Variants in PPFIA2 observed in about 807,000 individuals in gnomAD.
The protein encoded by PPFIA2 is PPFI scaffold protein A2.
PPFIA2 carries 46 observed loss-of-function variants against 175.5 expected under a neutral mutation model. The ratio of observed to expected loss-of-function variants is 0.26; its 90% CI spans 0.21 to 0.34. The LOEUF (loss-of-function observed/expected upper bound fraction) is 0.34, where lower values mean the gene tolerates loss of function less well. Ranked by LOEUF, PPFIA2 falls within the 10% of genes least tolerant of loss-of-function variation. The pLI, the probability that PPFIA2 is intolerant of heterozygous loss-of-function variation, is 1.00. For synonymous variants in PPFIA2, 568 were observed against 511.4 expected, an observed-to-expected ratio of 1.11 and a Z score of -1.49; for missense variants, 1,179 against 1,506.1, an observed-to-expected ratio of 0.78 and a Z score of 3.60.
chr12:81,322,028 G>T lies in PPFIA2; in HGVS notation c.2642+3749C>A, dbSNP rs563302091. Among the ~76,000 whole-genome samples, 3 of 152,184 alleles carry T rather than the reference G, an allele frequency of 2.0e-5. No homozygotes were observed. The South Asian group carries it at 6.2e-4, about 32-fold the overall frequency. On this transcript the variant is annotated intron_variant, in intron 22 of 32. Coordinates refer to ENST00000549396, the MANE Select transcript of PPFIA2 (RefSeq NM_003625.5). Reference sequence around the variant, plus strand: ...TATTTTTATTTTTTGTAAAAACAGGGTCTCACTCTGCTGCCCAGGCTGGGT... The same window carrying T: ...TATTTTTATTTTTTGTAAAAACAGGTTCTCACTCTGCTGCCCAGGCTGGGT...
chr12:81,576,007 T>C (rs2073467996), intron 4 of PPFIA2, among the ~76,000 whole-genome samples: 1 of 151,654 alleles, frequency 6.6e-6, no homozygotes, highest in Non-Finnish European at 1.5e-5. Context: ...AGGAAAGCTT[T>C]ATGCAACCTG....
intron 16 of PPFIA2, among the ~76,000 whole-genome samples, chr12:81,357,667 A>C (rs1196328879): frequency 2.6e-5 from 4 of 152,212 alleles, no homozygotes; most frequent in Non-Finnish European, 4.4e-5. Flanking sequence ...CAAGTGCCCA[A>C]GAAAATCAAA....
At chr12:81,446,460 TG>T (rs2051284458) in intron 5 of PPFIA2, among the ~76,000 whole-genome samples, 1 of 152,146 alleles carries the variant, frequency 6.6e-6, no homozygotes, top group Non-Finnish European at 1.5e-5. Flanking sequence ...TTTTGTGAAT[TG>T]GGGTTTCATA....
intron 22 of PPFIA2, among the ~76,000 whole-genome samples, chr12:81,323,668 T>C (rs1043272337): frequency 1.1e-4 from 16 of 152,052 alleles, no homozygotes; most frequent in East Asian, 3.9e-4. Flanking sequence ...TAATTAACAA[T>C]GTAAAATTCA....
chr12:81,563,354 A>G (rs1367590447), intron 4 of PPFIA2, among the ~76,000 whole-genome samples: 2 of 152,118 alleles, frequency 1.3e-5, no homozygotes, highest in African/African-American at 4.8e-5. Flanking sequence ...CCTCTGTTCT[A>G]CTGTCTTAGA....
chr12:81,699,946 T>G (rs1332419556), intron 3 of PPFIA2, among the ~76,000 whole-genome samples: 2 of 152,058 alleles, frequency 1.3e-5, no homozygotes, highest in Non-Finnish European at 2.9e-5. Flanking sequence ...AATAAAATTC[T>G]TACTGGATGT....
At chr12:81,448,002 T>G (rs903546674) in intron 5 of PPFIA2, among the ~76,000 whole-genome samples, 2 of 152,112 alleles carry the variant, frequency 1.3e-5, no homozygotes, top group Non-Finnish European at 2.9e-5. Flanking sequence ...CAATGAAAAC[T>G]GTTTTTTTTT....
intron 4 of PPFIA2, among the ~76,000 whole-genome samples, chr12:81,669,499 A>C (rs1325005735): frequency 6.6e-6 from 1 of 152,034 alleles, no homozygotes; most frequent in Non-Finnish European, 1.5e-5. Context: ...TAACTATGTA[A>C]AGTTTATATT....
chr12:81,710,014 T>C (rs1316774945), intron 3 of PPFIA2, among the ~76,000 whole-genome samples: 2 of 152,060 alleles, frequency 1.3e-5, no homozygotes, highest in South Asian at 2.1e-4. Context: ...TAGGGGATAA[T>C]ATATAATTTC....
intron 4 of PPFIA2, among the ~76,000 whole-genome samples, chr12:81,543,975 C>T (rs1156585254): frequency 6.6e-6 from 1 of 151,988 alleles, no homozygotes; most frequent in Non-Finnish European, 1.5e-5. Flanking sequence ...TGAGAAACAG[C>T]CAAGATAAAT....
At chr12:81,478,267 A>AT (rs1459005994) in intron 4 of PPFIA2, among the ~76,000 whole-genome samples, 3 of 151,340 alleles carry the variant, frequency 2.0e-5, no homozygotes, top group Non-Finnish European at 3.0e-5. Flanking sequence ...CTCCTTTATC[A>AT]TTTTTTTTAT....
chr12:81,518,027 C>T (rs967478986), intron 4 of PPFIA2, among the ~76,000 whole-genome samples: 5 of 152,038 alleles, frequency 3.3e-5, no homozygotes, highest in African/African-American at 9.7e-5. Flanking sequence ...CAACATGGCA[C>T]ATGTATACAT....
intron 3 of PPFIA2, among the ~76,000 whole-genome samples, chr12:81,695,158 G>A (rs1318277613): frequency 6.6e-6 from 1 of 152,104 alleles, no homozygotes; most frequent in Admixed American, 6.6e-5. Context: ...TTAAAAATTT[G>A]AGGGACTTTT....
intron 7 of PPFIA2, among the ~76,000 whole-genome samples, chr12:81,415,632 T>C (rs1416324640): frequency 6.6e-6 from 1 of 150,700 alleles, no homozygotes; most frequent in Admixed American, 6.7e-5. Flanking sequence ...AAAGAAATCT[T>C]CCTAAAACAG....
At chr12:81,490,655 C>A (rs766684450) in intron 4 of PPFIA2, among the ~76,000 whole-genome samples, 2 of 151,934 alleles carry the variant, frequency 1.3e-5, no homozygotes, top group Non-Finnish European at 2.9e-5. Flanking sequence ...ACAAAAATCT[C>A]TTCATACCTC....
At chr12:81,573,417 A>G (rs56698875) in intron 4 of PPFIA2, among the ~76,000 whole-genome samples, 1,706 of 152,044 alleles carry the variant, frequency 0.011, 53 homozygotes, top group East Asian at 0.096. Context: ...GCCATTCTGG[A>G]ATGCTAACCA....
intron 20 of PPFIA2, among the ~76,000 whole-genome samples, chr12:81,340,017 T>A (rs2057783158): frequency 6.6e-6 from 1 of 152,112 alleles, no homozygotes; most frequent in Non-Finnish European, 1.5e-5. Flanking sequence ...ATTAATAGGA[T>A]GGGATCAATA....
chr12:81,650,589 G>T (rs1471693037), intron 4 of PPFIA2, among the ~76,000 whole-genome samples: 2 of 152,186 alleles, frequency 1.3e-5, no homozygotes, highest in Non-Finnish European at 2.9e-5. Context: ...GTATAATTTA[G>T]GGAGGTAAAA....
rs557872750 is a variant in PPFIA2 at position 81,317,590 on chromosome 12, G to A, written c.2642+8187C>T. On this transcript the variant is annotated intron_variant, in intron 22 of 32. Transcript: ENST00000549396. ...AGAGGAAGAATTAGGACAAGGAAGA[G>A]CAGAAGCAAAGAAGAAACCCAGGTT... Among the ~76,000 whole-genome samples the A allele has an allele frequency of 9.5e-4, 144 of 151,590 alleles. 1 individual carries two copies. Among genetic ancestry groups the A allele is most frequent in the Middle Eastern group, 3.4e-3 (1 of 294 alleles).
Sources: allele counts gnomAD v4.1 joint callset (sites outside exome capture counted in the v4.1 genomes callset), GRCh38; gene constraint gnomAD v4.1.1; transcripts MANE v1.5; gene names NCBI Gene and HGNC (gene_info 2026-07-23, HGNC 2026-07-21).